SLC6A9: variants seen among roughly 807,000 people sequenced by gnomAD.
SLC6A9 encodes the protein solute carrier family 6 member 9, also known as sodium- and chloride-dependent glycine transporter 1.
A neutral mutation model predicts 70.9 loss-of-function variants in SLC6A9; 31 were observed. The ratio of observed to expected loss-of-function variants is 0.44; its 90% CI spans 0.33 to 0.59. The LOEUF is 0.59. Ranked by LOEUF, SLC6A9 falls within the 20% of genes least tolerant of loss-of-function variation. SLC6A9 has a pLI of 0.04. For synonymous variants in SLC6A9, 310 were observed against 341.3 expected, an observed-to-expected ratio of 0.91 and a Z score of 1.01; for missense variants, 631 against 845.2, an observed-to-expected ratio of 0.75 and a Z score of 3.14.
chr1:43,998,077 C>A, intron 12 of SLC6A9, 52 bp from the exon 13 acceptor site: 2 of 1,492,860 alleles, frequency 1.3e-6, no homozygotes, highest in Admixed American at 2.0e-5. Context: ...GAGCCCAGAC[C>A]CCAGGCCATC....
At chr1:44,015,355 C>T (rs72884236) in intron 2 of SLC6A9, among the ~76,000 whole-genome samples, 1 of 152,130 alleles carries the variant, frequency 6.6e-6, no homozygotes, top group African/African-American at 2.4e-5. Context: ...GAGCTTCCCC[C>T]TCCTGCTCTG....
chr1:44,008,539 A>G lies in SLC6A9; in HGVS notation c.404T>C (p.Phe135Ser), dbSNP rs774851958. 1 of 1,614,106 alleles carries G rather than the reference A, an allele frequency of 6.2e-7. No homozygotes were observed. Among genetic ancestry groups the G allele is most frequent in the South Asian group, 1.1e-5 (1 of 91,078 alleles). Residue 135 changes from phenylalanine to serine, a missense_variant, in exon 5 of 14, where the codon TTC (phenylalanine) becomes TCC (serine). Physicochemically the swap from Phe to Ser is radical, Grantham distance 155. Coordinates refer to ENST00000372310, the MANE Select transcript of SLC6A9 (RefSeq NM_001024845.3). ...VVICIAFYYF[F>S]SSMTHVLPWA... ...GGGCAGCACGTGCGTCATGGACGAG[A>G]AGAAGTAGTAGAAGGCGATGCAGAT...
intron 2 of SLC6A9, among the ~76,000 whole-genome samples, chr1:44,019,252 T>C (rs2154307103): frequency 6.6e-6 from 1 of 152,354 alleles, no homozygotes; most frequent in Non-Finnish European, 1.5e-5. Context: ...ACTCACCTAG[T>C]ATGGTACAAG....
At chr1:43,998,456 C>A (rs1438965376) in intron 12 of SLC6A9, among the ~76,000 whole-genome samples, 2 of 152,192 alleles carry the variant, frequency 1.3e-5, no homozygotes, top group African/African-American at 4.8e-5. Context: ...TGTTTCCCAC[C>A]CACTCTTCAT....
chr1:44,008,480 C>G lies in SLC6A9; in HGVS notation c.463G>C (p.Asp155His). The G allele has an allele frequency of 1.2e-6, 2 of 1,614,220 alleles. No individual in the cohort carries two copies. Among genetic ancestry groups the G allele is most frequent in the Non-Finnish European group, 1.7e-6 (2 of 1,180,032 alleles). ...GAGGCGTCCAGTACACCGGCGCAGT[C>G]ATGCGTGTTCCAGGGGTTATTGCAG... is the stretch of plus-strand genomic sequence containing the variant. ...AYCNNPWNTHDCAGVLDASNL... is the reference protein window; with the variant it reads ...AYCNNPWNTHHCAGVLDASNL... Residue 155 changes from aspartate (D) to histidine (H), a missense_variant, in exon 5 of 14, where the codon GAC (aspartate) becomes CAC (histidine). Physicochemically the swap from Asp to His is moderately conservative, Grantham distance 81. Transcript: ENST00000372310.
At chr1:44,003,029 C>T (rs1273753739) in intron 5 of SLC6A9, 44 bp from the exon 6 acceptor site, 1 of 1,611,130 alleles carries the variant, frequency 6.2e-7, no homozygotes, top group African/African-American at 1.3e-5. Flanking sequence ...CCGCCGCTGC[C>T]CAGCAACAAA....
At position 44,002,371 on chromosome 1, in the gene SLC6A9, C is replaced by T. The variant is rs981782507; in HGVS notation, c.904G>A (p.Ala302Thr). 8 of 1,614,104 alleles carry T rather than the reference C, an allele frequency of 5.0e-6. No individual in the cohort carries two copies. Among genetic ancestry groups the T allele is most frequent in the Admixed American group, 1.7e-5 (1 of 60,024 alleles). The change falls in exon 8 of 14, where the codon GCG becomes ACG. Residue 302 changes from alanine to threonine, a missense_variant. By Grantham distance (58) the Ala-to-Thr change is moderately conservative. Coordinates refer to ENST00000372310, the MANE Select transcript of SLC6A9 (RefSeq NM_001024845.3). This position sits in a 1 kb window ranked among gnomAD's most constrained non-coding sequence, Gnocchi z 5.5. ...ASQIFYSLGC[A>T]WGGLITMASY... ...GCCATGGTGATGAGGCCTCCCCACG[C>T]GCAGCCCAGTGAGTAGAAGATCTGG... is the stretch of plus-strand genomic sequence containing the variant.
chr1:44,010,063 A>C lies in SLC6A9; in HGVS notation c.221T>G (p.Ile74Ser), dbSNP rs1199232309. Residue 74 changes from isoleucine to serine, a missense_variant, in exon 4 of 14, where the codon ATC (isoleucine) becomes AGC (serine). Transcript: ENST00000372310. ...AFMFPYFIML[I>S]FCGIPLFFME... ...GAAGAAGAGGGGGATCCCGCAGAAG[A>C]TGAGCATGATGAAGTAGGGGAACAT... 8 of 1,613,910 alleles carry C rather than the reference A, an allele frequency of 5.0e-6. No homozygotes were observed. The highest frequency in any genetic ancestry group is 6.8e-6 in the Non-Finnish European group (8 of 1,179,964).
At chr1:44,019,064 G>A (rs566834614) in intron 2 of SLC6A9, among the ~76,000 whole-genome samples, 2 of 152,200 alleles carry the variant, frequency 1.3e-5, no homozygotes, top group African/African-American at 4.8e-5. Context: ...TTAACATGTC[G>A]GATCTCAGTT....
At chr1:43,998,879 GTGAGAT>G (rs2085980508) in intron 12 of SLC6A9, among the ~76,000 whole-genome samples, 1 of 151,786 alleles carries the variant, frequency 6.6e-6, no homozygotes, top group Non-Finnish European at 1.5e-5. Flanking sequence ...AAAGAGATGA[GTGAGAT>G]TGGAAATAAA....
intron 2 of SLC6A9, among the ~76,000 whole-genome samples, chr1:44,011,158 G>A (rs1171988078): frequency 6.6e-6 from 1 of 152,182 alleles, no homozygotes; most frequent in Non-Finnish European, 1.5e-5. Flanking sequence ...CCGGGAGGCG[G>A]GACACTGAAG....
intron 5 of SLC6A9, 115 bp downstream of exon 5, chr1:44,008,238 G>T: frequency 2.0e-6 from 2 of 1,022,736 alleles, no homozygotes; most frequent in Non-Finnish European, 1.5e-6. Context: ...CCCTCTCCCA[G>T]CCCAGCAGCG....
chr1:44,001,961 C>T (rs552210445), intron 8 of SLC6A9, among the ~76,000 whole-genome samples: 16 of 152,230 alleles, frequency 1.1e-4, no homozygotes, highest in South Asian at 1.0e-3. Flanking sequence ...GTCTTGAATT[C>T]CTGGGCTCAA....
intron 1 of SLC6A9, among the ~76,000 whole-genome samples, chr1:44,027,638 C>T (rs995035428): frequency 6.6e-6 from 1 of 152,238 alleles, no homozygotes; most frequent in Admixed American, 6.5e-5. Flanking sequence ...CTGCAGCTTA[C>T]AGACTAAGGG....
At position 44,009,894 on chromosome 1, in the gene SLC6A9, G is replaced by A. The variant is rs16831541; in HGVS notation, c.319+71C>T. 1.3e-3 allele frequency: 1,955 copies of A among 1,556,440 alleles called. 28 individuals carry two copies. In the African/African-American group the frequency reaches 0.024, roughly 19 times the overall value. ...GTCAGCCATGTTTGTACAGATGGGC[G>A]AGTTGGCACGGCCCTCAGAGGCCGT... On this transcript the variant is annotated intron_variant, in intron 4 of 13. Transcript: ENST00000372310.
At chr1:43,998,061 GACCCAGA>G (rs775915050) in intron 12 of SLC6A9, 36 bp from the exon 13 acceptor site, 1 of 1,571,398 alleles carries the variant, frequency 6.4e-7, no homozygotes, top group African/African-American at 1.4e-5. Flanking sequence ...GCGTGAGGCC[GACCCAGA>G]GCCCAGACCC....
At position 44,001,600 on chromosome 1, in the gene SLC6A9, G is replaced by A. The variant is rs1462999424; in HGVS notation, c.990C>T (p.Asn330=). 2.5e-6 allele frequency: 4 copies of A among 1,613,894 alleles called. No individual in the cohort carries two copies. The highest frequency in any genetic ancestry group is 1.3e-5 in the African/African-American group (1 of 74,948). ...YRDSVIISIT[N]CATSVYAGFV... ...AGCCAGCATAGACGCTGGTGGCACAGTTGGTGATGCTGATGATGACACTGT... is the reference window on the plus strand; with the variant it reads ...AGCCAGCATAGACGCTGGTGGCACAATTGGTGATGCTGATGATGACACTGT... Residue 330 remains asparagine, a synonymous_variant, in exon 9 of 14, where the codon AAC becomes AAT. Transcript: ENST00000372310.
At chr1:44,004,847 T>A (rs1048220104) in intron 5 of SLC6A9, among the ~76,000 whole-genome samples, 33 of 152,226 alleles carry the variant, frequency 2.2e-4, no homozygotes, top group Non-Finnish European at 1.9e-4. Flanking sequence ...TATTTACAAG[T>A]GACCTCTTGA....
Position 44,024,146 on chromosome 1 carries a change from G to A in SLC6A9, c.30+102C>T. 7.5e-6 allele frequency: 9 copies of A among 1,206,876 alleles called. No homozygotes were observed. The South Asian group carries it at 9.7e-5, about 13-fold the overall frequency. The allele number at this position is 1,206,876 out of a possible 1,614,324, so 74.8% of individuals were successfully genotyped here. ...GGTCAGCTGGGCACTCAGGAGCCCT[G>A]GCAGTGCCGGCCTTCCTAAGCCTTC... On this transcript the variant is annotated intron_variant, in intron 2 of 13. Coordinates refer to ENST00000372310, the MANE Select transcript of SLC6A9 (RefSeq NM_001024845.3).
Sources: gnomAD v4.1 joint callset for allele counts (sites outside exome capture counted in the v4.1 genomes callset) on GRCh38, gnomAD v4.1.1 for gene constraint, Gnocchi (gnomAD v3.1) non-coding constraint, MANE v1.5 for transcripts, NCBI Gene and HGNC (gene_info 2026-07-23, HGNC 2026-07-21) for gene names.